Variants in MAP3K13 observed in about 807,000 individuals in gnomAD.
MAP3K13 encodes the protein mitogen-activated protein kinase kinase kinase 13.
In MAP3K13, 52 loss-of-function variants were observed where a neutral mutation model predicts 104.0. That is an observed-to-expected ratio of 0.50 (90% CI 0.40 to 0.63). The LOEUF (loss-of-function observed/expected upper bound fraction) is 0.63. Ranked by LOEUF, MAP3K13 falls within the 20% of genes least tolerant of loss-of-function variation. The pLI is 0.00. For synonymous variants in MAP3K13, 394 were observed against 442.2 expected, an observed-to-expected ratio of 0.89 and a Z score of 1.37; for missense variants, 914 against 1,218.5, an observed-to-expected ratio of 0.75 and a Z score of 3.72.
chr3:185,426,635 C>T (rs557295460), intron 1 of MAP3K13, among the ~76,000 whole-genome samples: 14 of 152,284 alleles, frequency 9.2e-5, no homozygotes, highest in South Asian at 6.2e-4. Flanking sequence ...TGTCTTTCTG[C>T]ATGCACTTAT....
At chr3:185,425,921 A>C (rs1291948855) in intron 1 of MAP3K13, among the ~76,000 whole-genome samples, 1 of 152,172 alleles carries the variant, frequency 6.6e-6, no homozygotes, top group African/African-American at 2.4e-5. Context: ...GCCGTTATCT[A>C]TCGGTCTTTC....
At chr3:185,354,941 T>C (rs575494540) in intron 2 of MAP3K13, among the ~76,000 whole-genome samples, 1 of 152,222 alleles carries the variant, frequency 6.6e-6, no homozygotes, top group Admixed American at 6.5e-5. Flanking sequence ...AAAAGTATAG[T>C]CAGTTTCAAT....
At chr3:185,285,717 T>C (rs781232403) in intron 2 of MAP3K13, 317 of 1,283,972 alleles carry the variant, frequency 2.5e-4, no homozygotes, top group Non-Finnish European at 3.3e-4. Context: ...AATTATAGGA[T>C]TGTAATTGAA....
chr3:185,392,633 G>T (rs1171596221), intron 1 of MAP3K13, among the ~76,000 whole-genome samples: 3 of 152,206 alleles, frequency 2.0e-5, no homozygotes, highest in African/African-American at 7.2e-5. Flanking sequence ...TCTGGGAGCA[G>T]GAGATTTTAT....
At position 185,319,311 on chromosome 3, in the gene MAP3K13, A is replaced by T. The variant is rs553436426; in HGVS notation, c.-86+33668A>T. On this transcript the variant is annotated intron_variant, in intron 2 of 14. Coordinates refer to the MAP3K13 transcript ENST00000424227. ...TATTACAAACATTGCACCTAAGTATACATATATTCCTGTGTTTGTATCTAC... is the reference window on the plus strand; with the variant it reads ...TATTACAAACATTGCACCTAAGTATTCATATATTCCTGTGTTTGTATCTAC... Among the ~76,000 whole-genome samples the T allele has an allele frequency of 7.2e-5, 11 of 152,344 alleles. No homozygotes were observed. In the East Asian group the frequency reaches 1.9e-3, roughly 27 times the overall value.
rs1714259982 is a variant in MAP3K13, at chr3:185,423,691, C to T, written c.-85-4806C>T. ...AATTTAAGTGCCTCTTAACCTAACC[C>T]CGTCCAGTTAAAGTGATCTCTCTGG... On this transcript the variant is annotated intron_variant, in intron 1 of 13. Coordinates refer to ENST00000265026, the MANE Select transcript of MAP3K13 (RefSeq NM_004721.5). This position sits in a 1 kb window ranked among gnomAD's most constrained non-coding sequence, Gnocchi z 4.1. 6.6e-6 allele frequency among the ~76,000 whole-genome samples: 1 copy of T among 152,174 alleles called. No homozygotes were observed. Among genetic ancestry groups the T allele is most frequent in the Admixed American group, 6.5e-5 (1 of 15,272 alleles).
Position 185,472,997 on chromosome 3 carries a change from G to A in MAP3K13, c.1666G>A (p.Gly556Arg). 1 of 1,614,094 alleles carries A rather than the reference G, an allele frequency of 6.2e-7. No individual in the cohort carries two copies. Among genetic ancestry groups the A allele is most frequent in the African/African-American group, 1.3e-5 (1 of 75,024 alleles). ...TKRPDLLRSE[G>R]IPTTEVAPTA... ...CAGGCCAGACTTGTTGAGATCAGAA[G>A]GGATCCCCACCACAGAAGTGGCTCC... Residue 556 changes from glycine to arginine, a missense_variant, in exon 11 of 14, where the codon GGG becomes AGG. By Grantham distance (125) the Gly-to-Arg change is moderately radical (BLOSUM62 -2). This residue lies in a region of MAP3K13 where 583 missense variants were observed against 737.4 expected (regional missense o/e 0.79). Transcript: ENST00000265026.
chr3:185,426,392 T>C (rs1714422519), intron 1 of MAP3K13, among the ~76,000 whole-genome samples: 1 of 152,186 alleles, frequency 6.6e-6, no homozygotes, highest in African/African-American at 2.4e-5. Context: ...GATACGATGT[T>C]TTCATTGGTT....
At chr3:185,299,444 G>A (rs912178239) in intron 2 of MAP3K13, among the ~76,000 whole-genome samples, 8 of 152,324 alleles carry the variant, frequency 5.3e-5, no homozygotes, top group Non-Finnish European at 8.8e-5. Context: ...CTTTCCTAGG[G>A]CTGCCAGAAT....
chr3:185,307,267 C>T (rs1432636640), intron 2 of MAP3K13, among the ~76,000 whole-genome samples: 8 of 151,218 alleles, frequency 5.3e-5, no homozygotes, highest in Admixed American at 1.3e-4. Flanking sequence ...TTCAAGTAAC[C>T]TCTCTGTCCT....
At chr3:185,318,581 A>C (rs1420144612) in intron 2 of MAP3K13, among the ~76,000 whole-genome samples, 2 of 152,230 alleles carry the variant, frequency 1.3e-5, no homozygotes, top group Non-Finnish European at 2.9e-5. Context: ...AAATGATAGC[A>C]CATTGAATTT....
chr3:185,379,462 A>G (rs901414569), intron 1 of MAP3K13, among the ~76,000 whole-genome samples: 1 of 152,188 alleles, frequency 6.6e-6, no homozygotes, highest in African/African-American at 2.4e-5. Flanking sequence ...CACTTACCCA[A>G]TTTAAAATCA....
rs59745786 is a variant in MAP3K13, at chr3:185,317,844, C to T, written c.-86+32201C>T. On this transcript the variant is annotated intron_variant, in intron 2 of 14. Coordinates refer to the MAP3K13 transcript ENST00000424227. ...CAAGTTCAAGGTATTGAGACAGATA[C>T]TACTTGGCATACCATTCTAATGCCA... Among the ~76,000 whole-genome samples, 680 of 152,156 alleles carry T rather than the reference C, an allele frequency of 4.5e-3. 5 individuals carry two copies. The highest frequency in any genetic ancestry group is 0.015 in the African/African-American group (640 of 41,530).
intron 1 of MAP3K13, among the ~76,000 whole-genome samples, chr3:185,393,733 A>G (rs1211313984): frequency 6.6e-6 from 1 of 152,194 alleles, no homozygotes; most frequent in Non-Finnish European, 1.5e-5. Flanking sequence ...CTGGGATTAC[A>G]GGTGTGAGCC....
intron 2 of MAP3K13, 70 bp downstream of exon 2, chr3:185,429,126 T>G: frequency 7.0e-7 from 1 of 1,436,044 alleles, no homozygotes; most frequent in Non-Finnish European, 9.6e-7. Flanking sequence ...GTCACCACCA[T>G]TAGCTGGATA....
chr3:185,307,477 T>TA (rs1267630919), intron 2 of MAP3K13, among the ~76,000 whole-genome samples: 1 of 151,924 alleles, frequency 6.6e-6, no homozygotes, highest in Non-Finnish European at 1.5e-5. Context: ...CTGTTGAATC[T>TA]GCTTAGTGTA....
intron 1 of MAP3K13, among the ~76,000 whole-genome samples, chr3:185,370,290 G>A (rs993573177): frequency 2.0e-5 from 3 of 152,128 alleles, no homozygotes; most frequent in Non-Finnish European, 4.4e-5. Context: ...CGTCTCCTGG[G>A]TTCAAGCGAT....
chr3:185,292,987 TAAA>T (rs1356295004), intron 2 of MAP3K13: 2 of 984,978 alleles, frequency 2.0e-6, no homozygotes, highest in Non-Finnish European at 2.4e-6. Context: ...GTGGTAAGAA[TAAA>T]AAATTGTTTT....
chr3:185,291,463 TTTTC>T, intron 2 of MAP3K13: 1 of 795,546 alleles, frequency 1.3e-6, no homozygotes, highest in Non-Finnish European at 1.8e-6. Context: ...ATTTTTTTCC[TTTTC>T]TTTGTTTTTG....
Sources: gnomAD v4.1 joint callset for allele counts (sites outside exome capture counted in the v4.1 genomes callset) on GRCh38, gnomAD v4.1.1 for gene constraint, gnomAD v4.1.1 regional missense constraint, Gnocchi (gnomAD v3.1) non-coding constraint, MANE v1.5 for transcripts, NCBI Gene and HGNC (gene_info 2026-07-23, HGNC 2026-07-21) for gene names.